The following E2F6 variants were observed in gnomAD, a reference collection of about 807,000 sequenced individuals.
E2F6 encodes E2F transcription factor 6.
E2F6 carries 19 observed loss-of-function variants against 31.5 expected under a neutral mutation model. The observed-to-expected ratio is 0.60, with a 90% confidence interval of 0.42 to 0.89. The LOEUF (loss-of-function observed/expected upper bound fraction) is 0.89, where lower values mean the gene tolerates loss of function less well. E2F6 is among the 40% of genes least tolerant of loss of function. The pLI is 0.00. For missense variants in E2F6, 269 were observed against 341.6 expected (o/e 0.79, Z 1.67); for synonymous variants, 121 against 127.7 (o/e 0.95, Z 0.36).
intron 1 of E2F6, among the ~76,000 whole-genome samples, chr2:11,463,459 G>T (rs897378989): frequency 6.6e-6 from 1 of 152,094 alleles, no homozygotes; most frequent in Admixed American, 6.5e-5. Flanking sequence ...AACTGTTTAC[G>T]GTATCAGTAA....
intron 1 of E2F6, chr2:11,458,286 G>C (rs772254381): frequency 6.4e-7 from 1 of 1,551,802 alleles, no homozygotes; most frequent in Non-Finnish European, 8.7e-7. Flanking sequence ...CTCACAGAAG[G>C]ATTCATGGCG....
rs765543732 is a variant in E2F6, at chr2:11,447,732, C to T, written c.694G>A (p.Asp232Asn). 9.3e-6 allele frequency: 15 copies of T among 1,612,108 alleles called. 1 individual carries two copies. The Admixed American group carries it at 1.0e-4, about 11-fold the overall frequency. Reference protein sequence around the residue: ...VHIRSTNGPIDVYLCEVEQGQ... With the variant: ...VHIRSTNGPINVYLCEVEQGQ... ...TGCTCCACTTCACACAAATAGACAT[C>T]GATAGGTCCGTTGGTGCTCCTTATG... Residue 232 changes from aspartate (D) to asparagine (N), a missense_variant, in exon 6 of 7, where the codon GAT becomes AAT. Asp to Asn is a conservative substitution (Grantham distance 23). Transcript: ENST00000381525.
rs1262087827 is a variant in E2F6, at chr2:11,462,586, CTACTGGAAGCA to C, written c.108+3175_108+3185del. On this transcript the variant is annotated intron_variant, in intron 1 of 6. Transcript: ENST00000381525. ...AATTCTCTTCAGCATACTGGAAGCA[CTACTGGAAGCA>C]TACTGGAAGCACTACTTTTGTGCTT... Among the ~76,000 whole-genome samples, 12 of 152,286 alleles carry C rather than the reference CTACTGGAAGCA, an allele frequency of 7.9e-5. No individual in the cohort carries two copies. In the South Asian group the frequency reaches 1.9e-3, roughly 24 times the overall value.
Position 11,464,632 on chromosome 2 carries a change from G to A in E2F6, c.108+1140C>T, listed in dbSNP as rs570701962. The stretch of plus-strand genomic sequence containing the variant: ...TAAGATGGGGATGGATTTAGAATGC[G>A]GTTTTAGTAGTCAAGAATTTATCAT... On this transcript the variant is annotated intron_variant, in intron 1 of 6. Transcript: ENST00000381525. 2.4e-4 allele frequency among the ~76,000 whole-genome samples: 37 copies of A among 152,006 alleles called. No individual in the cohort carries two copies. In the South Asian group the frequency reaches 6.9e-3, roughly 28 times the overall value.
chr2:11,460,018 A>ACCAG (rs1475920851), intron 1 of E2F6, among the ~76,000 whole-genome samples: 2 of 152,220 alleles, frequency 1.3e-5, no homozygotes, highest in Non-Finnish European at 2.9e-5. Flanking sequence ...CTCTCTAGGA[A>ACCAG]CCAGCATCTT....
chr2:11,451,703 T>C lies in E2F6; in HGVS notation c.484A>G (p.Lys162Glu). 1.2e-6 allele frequency: 2 copies of C among 1,611,678 alleles called. No individual in the cohort carries two copies. The highest frequency in any genetic ancestry group is 1.7e-6 in the Non-Finnish European group (2 of 1,178,560). The change falls in exon 4 of 7, where the codon AAG (lysine) becomes GAG (glutamate). Residue 162 changes from lysine (K) to glutamate (E), a missense_variant. Transcript: ENST00000381525. ...TCAAACAGCTGCTGAGCACAATCCT[T>C]AATTAACTCATCCAAAGCATCTTCC... Reference protein sequence around the residue: ...AMEDALDELIKDCAQQLFELT... With the variant: ...AMEDALDELIEDCAQQLFELT...
At chr2:11,446,572 T>G in intron 6 of E2F6, 49 bp from the exon 7 acceptor site, 1 of 1,507,624 alleles carries the variant, frequency 6.6e-7, no homozygotes, top group African/African-American at 1.4e-5. Context: ...TACACCTAAG[T>G]GAAGGTCTGA....
chr2:11,456,065 CA>C (rs1371937987), intron 2 of E2F6, among the ~76,000 whole-genome samples: 1 of 152,160 alleles, frequency 6.6e-6, no homozygotes, highest in Non-Finnish European at 1.5e-5. Context: ...AGGGCGGCAG[CA>C]TGCTGGAAGA....
At chr2:11,460,374 CA>C (rs1671701263) in intron 1 of E2F6, among the ~76,000 whole-genome samples, 1 of 152,188 alleles carries the variant, frequency 6.6e-6, no homozygotes, top group Non-Finnish European at 1.5e-5. Context: ...TCTCCCTTCT[CA>C]GAAGTCCAGA....
Position 11,445,126 on chromosome 2 carries a change from T to C in E2F6, c.*1351A>G, listed in dbSNP as rs1446232319. The C allele has an allele frequency of 6.6e-5, 10 of 152,214 alleles. No homozygotes were observed. Among genetic ancestry groups the C allele is most frequent in the Admixed American group, 6.5e-4 (10 of 15,280 alleles). 9.4% of individuals were successfully genotyped at this position (152,214 alleles called of 1,614,324 possible). A position where few individuals can be genotyped will look rare whatever the true frequency, so the allele number is the denominator to read the frequency against. On this transcript the variant is annotated 3_prime_UTR_variant, in exon 7 of 7. Coordinates refer to ENST00000381525, the MANE Select transcript of E2F6 (RefSeq NM_198256.4). ...ATCCTAAACACTCAGCATTATTTTT[T>C]AATACTTTGATTTTGGATTCCGATT... is the stretch of plus-strand genomic sequence containing the variant.
Position 11,466,149 on chromosome 2 carries a change from T to G in E2F6, c.-270A>C. 2.3e-6 allele frequency: 1 copy of G among 427,084 alleles called. No individual in the cohort carries two copies. Among genetic ancestry groups the G allele is most frequent in the East Asian group, 4.5e-5 (1 of 22,142 alleles). 26.5% of individuals were successfully genotyped at this position (427,084 alleles called of 1,614,324 possible). A position where few individuals can be genotyped will look rare whatever the true frequency, so the allele number is the denominator to read the frequency against. ...TCGCCCGGCCCGCCATCTTCCCGCA[T>G]GCGCAGTACACCGCCCCCCTCTGCG... On this transcript the variant is annotated 5_prime_UTR_variant, in exon 1 of 7. The change abolishes an upstream ATG in the 5' untranslated region. Coordinates refer to ENST00000381525, the MANE Select transcript of E2F6 (RefSeq NM_198256.4).
chr2:11,465,566 A>G (rs1312009683), intron 1 of E2F6, among the ~76,000 whole-genome samples: 1 of 152,220 alleles, frequency 6.6e-6, no homozygotes, highest in Non-Finnish European at 1.5e-5. Context: ...TTCCGATGTA[A>G]AAGCCTAGAA....
chr2:11,462,981 ATT>A (rs1023681463), intron 1 of E2F6, among the ~76,000 whole-genome samples: 3 of 152,188 alleles, frequency 2.0e-5, no homozygotes, highest in Non-Finnish European at 4.4e-5. Context: ...CCTGAAGGAG[ATT>A]TATAGATTTG....
chr2:11,451,931 G>A, intron 3 of E2F6, 125 bp from the exon 4 acceptor site: 1 of 871,156 alleles, frequency 1.1e-6, no homozygotes, highest in East Asian at 2.7e-5. Flanking sequence ...AGAAACTAGG[G>A]ACTTTTAACT....
intron 3 of E2F6, among the ~76,000 whole-genome samples, chr2:11,452,817 T>G (rs904796409): frequency 1.3e-5 from 2 of 152,186 alleles, no homozygotes; most frequent in Non-Finnish European, 2.9e-5. Context: ...TCCTAAAGTG[T>G]TTTTTAGTGT....
chr2:11,447,832 C>G, intron 5 of E2F6, 58 bp from the exon 6 acceptor site: 1 of 1,553,884 alleles, frequency 6.4e-7, no homozygotes, highest in African/African-American at 1.4e-5. Context: ...TATTTTTTCA[C>G]TCACTAGAAC....
At chr2:11,457,559 G>A (rs1180672885) in intron 1 of E2F6, among the ~76,000 whole-genome samples, 1 of 152,162 alleles carries the variant, frequency 6.6e-6, no homozygotes, top group African/African-American at 2.4e-5. Context: ...GGAGGTGGAG[G>A]TTGCAGTGAG....
At chr2:11,452,839 C>T (rs1572496520) in intron 3 of E2F6, among the ~76,000 whole-genome samples, 1 of 152,174 alleles carries the variant, frequency 6.6e-6, no homozygotes, top group African/African-American at 2.4e-5. Context: ...ATTTAGTAAA[C>T]ATGCTCAAAT....
intron 1 of E2F6, among the ~76,000 whole-genome samples, chr2:11,460,356 T>C (rs778981589): frequency 3.3e-5 from 5 of 152,220 alleles, no homozygotes; most frequent in Non-Finnish European, 5.9e-5. Flanking sequence ...CTCCAATCAA[T>C]GCTATTTTCT....
Sources: allele counts gnomAD v4.1 joint callset (sites outside exome capture counted in the v4.1 genomes callset), GRCh38; gene constraint gnomAD v4.1.1; transcripts MANE v1.5; gene names NCBI Gene and HGNC (gene_info 2026-07-23, HGNC 2026-07-21).